Variants in NNMT observed in about 807,000 individuals in gnomAD.
NNMT encodes the protein nicotinamide N-methyltransferase.
In NNMT, 10 loss-of-function variants were observed where a neutral mutation model predicts 11.7. The ratio of observed to expected loss-of-function variants is 0.85; its 90% CI spans 0.53 to 1.45. NNMT has a LOEUF of 1.45. Among genes scored for constraint, NNMT ranks in the 40% most tolerant of loss-of-function variants. NNMT has a pLI of 0.00. For missense variants in NNMT, 381 were observed against 319.4 expected (o/e 1.19, Z -1.47); for synonymous variants, 143 against 133.8 (o/e 1.07, Z -0.48).
chr11:114,269,585 T>C (rs989345356), intron 2 of NNMT: 4 of 152,258 alleles, frequency 2.6e-5, no homozygotes, highest in African/African-American at 4.8e-5. Flanking sequence ...TGTCCTTGCC[T>C]TTCCTCCACT....
intron 2 of NNMT, among the ~76,000 whole-genome samples, chr11:114,277,147 C>T (rs765220149): frequency 2.0e-5 from 3 of 151,818 alleles, no homozygotes; most frequent in African/African-American, 4.8e-5. Flanking sequence ...CTCTTGAACC[C>T]GGGAGGTGGA....
chr11:114,294,634 G>A (rs997874125), upstream of NNMT, among the ~76,000 whole-genome samples: 1 of 152,228 alleles, frequency 6.6e-6, no homozygotes, highest in African/African-American at 2.4e-5. Context: ...AGTACTTGAA[G>A]TGGTGGATAC....
rs989328753 is a variant in NNMT at position 114,262,663 on chromosome 11, A to G, written c.-216-185A>G. ...GTGCGCTTCCAGCCATCTCAAATGG[A>G]TGCAACTAAATGGTTTGGAAAACCC... is the stretch of plus-strand genomic sequence containing the variant. On this transcript the variant is annotated intron_variant, in intron 1 of 4. Transcript: ENST00000535401. Among the ~76,000 whole-genome samples, 7 of 152,094 alleles carry G rather than the reference A, an allele frequency of 4.6e-5. No individual in the cohort carries two copies. The South Asian group carries it at 1.4e-3, about 32-fold the overall frequency.
At chr11:114,262,004 G>A (rs1945087174) in intron 1 of NNMT, among the ~76,000 whole-genome samples, 1 of 152,098 alleles carries the variant, frequency 6.6e-6, no homozygotes, top group African/African-American at 2.4e-5. Context: ...TTTGCAGAAG[G>A]AGCCCAGAGT....
At chr11:114,280,681 GC>G (rs1276019586) in intron 2 of NNMT, among the ~76,000 whole-genome samples, 1 of 152,186 alleles carries the variant, frequency 6.6e-6, no homozygotes, top group Non-Finnish European at 1.5e-5. Context: ...TCTGCGATGT[GC>G]CCTTTGGGAA....
intron 2 of NNMT, among the ~76,000 whole-genome samples, chr11:114,311,617 A>AT (rs1485715321): frequency 6.6e-6 from 1 of 152,204 alleles, no homozygotes; most frequent in African/African-American, 2.4e-5. Flanking sequence ...GAAACCCCTT[A>AT]TTATTAATAC....
intron 2 of NNMT, among the ~76,000 whole-genome samples, chr11:114,283,096 G>A (rs1409281660): frequency 6.6e-6 from 1 of 152,116 alleles, no homozygotes; most frequent in Non-Finnish European, 1.5e-5. Context: ...GTATAGCCTT[G>A]CTGGGGGCAA....
intron 1 of NNMT, 70 bp from the exon 2 acceptor site, chr11:114,297,881 A>G: frequency 7.9e-7 from 1 of 1,270,978 alleles, no homozygotes; most frequent in Non-Finnish European, 1.1e-6. Flanking sequence ...AGGGAAGACA[A>G]TGTAAATTTG....
intron 2 of NNMT, among the ~76,000 whole-genome samples, chr11:114,290,384 T>C (rs1945326895): frequency 6.6e-6 from 1 of 152,240 alleles, no homozygotes; most frequent in African/African-American, 2.4e-5. Flanking sequence ...TTTGTCATTC[T>C]AGTTCTTCTG....
intron 2 of NNMT, among the ~76,000 whole-genome samples, chr11:114,299,743 G>A (rs2852426): frequency 0.5 from 76,302 of 151,228 alleles, 20,429 homozygotes; most frequent in Non-Finnish European, 0.61. Flanking sequence ...TTGGTAAGTG[G>A]TACTTTTCAA....
chr11:114,275,812 G>A (rs1218127560), intron 2 of NNMT, among the ~76,000 whole-genome samples: 1 of 152,136 alleles, frequency 6.6e-6, no homozygotes, highest in Non-Finnish European at 1.5e-5. Flanking sequence ...TTGTGTATAT[G>A]TTAGGGGTAG....
intron 2 of NNMT, among the ~76,000 whole-genome samples, chr11:114,301,431 T>C (rs1301564408): frequency 6.6e-6 from 1 of 152,096 alleles, no homozygotes; most frequent in African/African-American, 2.4e-5. Context: ...TGGAATAATA[T>C]CCAGTGCTAA....
At chr11:114,267,438 A>C (rs1157070620) in intron 2 of NNMT, among the ~76,000 whole-genome samples, 1 of 152,136 alleles carries the variant, frequency 6.6e-6, no homozygotes, top group Middle Eastern at 3.2e-3. Flanking sequence ...GATGTTATGA[A>C]CTGTGCTTGC....
At chr11:114,308,719 G>A (rs1273629978) in intron 2 of NNMT, among the ~76,000 whole-genome samples, 1 of 152,146 alleles carries the variant, frequency 6.6e-6, no homozygotes, top group African/African-American at 2.4e-5. Flanking sequence ...TAAACATGAG[G>A]CAAAGTAGTA....
intron 2 of NNMT, among the ~76,000 whole-genome samples, chr11:114,278,606 A>G (rs1407948523): frequency 6.9e-6 from 1 of 143,910 alleles, no homozygotes; most frequent in Non-Finnish European, 1.5e-5. Context: ...GGTGGACCTA[A>G]TACTCATGTG....
At chr11:114,294,295 T>G (rs1945355628), upstream of NNMT, among the ~76,000 whole-genome samples, 2 of 152,050 alleles carry the variant, frequency 1.3e-5, no homozygotes. Context: ...CTGGCCAATA[T>G]GATGAAACCC....
At chr11:114,307,898 C>T (rs1945507626) in intron 2 of NNMT, among the ~76,000 whole-genome samples, 1 of 151,818 alleles carries the variant, frequency 6.6e-6, no homozygotes, top group South Asian at 2.1e-4. Context: ...AGGGGAGCTC[C>T]CAACATCTCC....
intron 2 of NNMT, among the ~76,000 whole-genome samples, chr11:114,284,622 C>T (rs1409685326): frequency 6.6e-6 from 1 of 150,646 alleles, no homozygotes; most frequent in Non-Finnish European, 1.5e-5. Context: ...TGCCACCACA[C>T]CCGACTGATT....
At chr11:114,260,423 C>A (rs1051313661) in intron 1 of NNMT, among the ~76,000 whole-genome samples, 1 of 152,240 alleles carries the variant, frequency 6.6e-6, no homozygotes, top group African/African-American at 2.4e-5. Flanking sequence ...AATTTGCTGG[C>A]AACTTTGGGA....
Sources: allele counts gnomAD v4.1 joint callset (sites outside exome capture counted in the v4.1 genomes callset), GRCh38; gene constraint gnomAD v4.1.1; transcripts MANE v1.5; gene names NCBI Gene and HGNC (gene_info 2026-07-23, HGNC 2026-07-21).